The following TTBK2 variants were observed in gnomAD, a reference collection of about 807,000 sequenced individuals.
The protein encoded by TTBK2 is tau tubulin kinase 2.
Under a neutral mutation model 110.8 loss-of-function variants are expected in TTBK2, and 28 were observed. The ratio of observed to expected loss-of-function variants is 0.25; its 90% CI spans 0.19 to 0.35. The LOEUF (loss-of-function observed/expected upper bound fraction) is 0.35, where lower values mean the gene tolerates loss of function less well. TTBK2 is among the 10% of genes least tolerant of loss of function. TTBK2 has a pLI of 1.00. For missense variants in TTBK2, 1,369 were observed against 1,500.3 expected (o/e 0.91, Z 1.45); for synonymous variants, 532 against 527.3 (o/e 1.01, Z -0.12).
chr15:42,757,741 C>T (rs2061967384), intron 13 of TTBK2, among the ~76,000 whole-genome samples: 1 of 152,198 alleles, frequency 6.6e-6, no homozygotes, highest in Non-Finnish European at 1.5e-5. Context: ...GCCAGTAAGC[C>T]ATATGCATCT....
chr15:42,779,030 C>T (rs79642427), intron 11 of TTBK2, among the ~76,000 whole-genome samples: 2,523 of 152,202 alleles, frequency 0.017, 74 homozygotes, highest in African/African-American at 0.056. Flanking sequence ...GAAACAATCA[C>T]TTAAAAAGAA....
At chr15:42,749,709 T>C (rs189263995) in intron 14 of TTBK2, among the ~76,000 whole-genome samples, 10 of 152,338 alleles carry the variant, frequency 6.6e-5, no homozygotes, top group Admixed American at 6.5e-4. Context: ...AAAGGGCCAG[T>C]CCTCTTTTTT....
chr15:42,817,129 G>A (rs768991100), intron 6 of TTBK2, 32 bp from the exon 7 acceptor site: 1 of 1,583,194 alleles, frequency 6.3e-7, no homozygotes, highest in Non-Finnish European at 8.6e-7. Context: ...AATAATAAAT[G>A]AGCTTCAAAC....
At chr15:42,768,228 C>T (rs1194273689) in intron 13 of TTBK2, among the ~76,000 whole-genome samples, 2 of 152,196 alleles carry the variant, frequency 1.3e-5, no homozygotes, top group African/African-American at 4.8e-5. Flanking sequence ...TCTCTCACCA[C>T]TCCTATTCAA....
chr15:42,761,755 C>T (rs1383294502), intron 13 of TTBK2, among the ~76,000 whole-genome samples: 1 of 152,054 alleles, frequency 6.6e-6, no homozygotes, highest in Admixed American at 6.5e-5. Flanking sequence ...ATTGTATCAC[C>T]CCAGTAAAAA....
chr15:42,795,207 T>C (rs1446675443), intron 9 of TTBK2, among the ~76,000 whole-genome samples: 1 of 151,858 alleles, frequency 6.6e-6, no homozygotes, highest in Non-Finnish European at 1.5e-5. Context: ...AGTGTTAACA[T>C]GTAACGTGTC....
intron 1 of TTBK2, among the ~76,000 whole-genome samples, chr15:42,907,925 T>A (rs1289858677): frequency 2.0e-5 from 3 of 147,640 alleles, no homozygotes; most frequent in African/African-American, 2.5e-5. Context: ...AAAAAAATAA[T>A]AATAATAATA....
chr15:42,860,391 A>C (rs1157952081), intron 3 of TTBK2, among the ~76,000 whole-genome samples: 1 of 152,126 alleles, frequency 6.6e-6, no homozygotes, highest in Non-Finnish European at 1.5e-5. Context: ...AAAAGAAAAA[A>C]TTCTGAATGA....
intron 1 of TTBK2, among the ~76,000 whole-genome samples, chr15:42,886,711 G>A (rs930182125): frequency 3.3e-5 from 5 of 152,192 alleles, no homozygotes; most frequent in Admixed American, 3.3e-4. Flanking sequence ...GAAAACCCCA[G>A]CCATATCTCC....
At chr15:42,774,635 C>T (rs900209311) in intron 13 of TTBK2, among the ~76,000 whole-genome samples, 1 of 152,150 alleles carries the variant, frequency 6.6e-6, no homozygotes, top group Non-Finnish European at 1.5e-5. Flanking sequence ...GCATTTTGAA[C>T]AGTGGCCATC....
At chr15:42,902,750 T>C (rs1486566167) in intron 1 of TTBK2, among the ~76,000 whole-genome samples, 1 of 151,954 alleles carries the variant, frequency 6.6e-6, no homozygotes, top group Non-Finnish European at 1.5e-5. Flanking sequence ...CCCAGCACTT[T>C]GCAGGGCCGA....
In TTBK2 at chr15:42,872,762, C is replaced by T; in HGVS notation, c.70-4G>A. The T allele has an allele frequency of 6.2e-7, 1 of 1,613,850 alleles. No homozygotes were observed. The highest frequency in any genetic ancestry group is 1.7e-5 in the Admixed American group (1 of 59,998). On this transcript the variant is annotated splice_polypyrimidine_tract_variant and splice_region_variant and intron_variant, in intron 2 of 14. Coordinates refer to ENST00000267890, the MANE Select transcript of TTBK2 (RefSeq NM_173500.4). Reference sequence around the variant, plus strand: ...CCCCACCCCCAATCTTTCTCAACTGCACAGAAAATAAGAACACACACACTC... The same window carrying T: ...CCCCACCCCCAATCTTTCTCAACTGTACAGAAAATAAGAACACACACACTC...
At chr15:42,792,938 T>C (rs1229966312) in intron 10 of TTBK2, among the ~76,000 whole-genome samples, 4 of 152,200 alleles carry the variant, frequency 2.6e-5, no homozygotes, top group South Asian at 2.1e-4. Context: ...GTCCCTGAAG[T>C]GCTATCACCT....
chr15:42,917,496 T>A (rs1473687119), intron 1 of TTBK2, among the ~76,000 whole-genome samples: 1 of 152,150 alleles, frequency 6.6e-6, no homozygotes, highest in Non-Finnish European at 1.5e-5. Context: ...GTAATATGTG[T>A]TGTCCTTATG....
intron 10 of TTBK2, among the ~76,000 whole-genome samples, chr15:42,786,319 T>C (rs1360972365): frequency 6.6e-6 from 1 of 152,208 alleles, no homozygotes; most frequent in Admixed American, 6.5e-5. Flanking sequence ...ATTAGTTCAA[T>C]ATAATTTATT....
chr15:42,762,111 T>C (rs750504922), intron 13 of TTBK2, among the ~76,000 whole-genome samples: 3 of 152,354 alleles, frequency 2.0e-5, no homozygotes, highest in Admixed American at 6.5e-5. Context: ...TCCCCAGCCA[T>C]GTGGAACTGT....
In TTBK2 at chr15:42,777,012, A is replaced by C; in HGVS notation, c.1409+19T>G. The C allele has an allele frequency of 6.2e-7, 1 of 1,612,092 alleles. No homozygotes were observed. The highest frequency in any genetic ancestry group is 8.5e-7 in the Non-Finnish European group (1 of 1,178,250). On this transcript the variant is annotated intron_variant, in intron 12 of 14. Transcript: ENST00000267890. ...TGGTACCTTAGAAGCTTTAAAAAGA[A>C]AAATACACTATTTTATACCAGGTCT...
chr15:42,815,912 AAATATATATATATTT>A lies in TTBK2; in HGVS notation c.603+1105_603+1119del, dbSNP rs1370710281. Among the ~76,000 whole-genome samples the A allele has an allele frequency of 2.5e-4, 27 of 106,030 alleles. 2 individuals carry two copies. The highest frequency in any genetic ancestry group is 1.2e-3 in the African/African-American group (24 of 20,836). The allele number at this position is 106,030 out of a possible 152,430, so 69.6% of individuals were successfully genotyped here. ...TTTAAAAATATATATATATATTTAAAAATATATATATATTTAAAAATATATATATATATATTTAAA... is the reference window on the plus strand; with the variant it reads ...TTTAAAAATATATATATATATTTAAAAAAAATATATATATATATATTTAAA... On this transcript the variant is annotated intron_variant, in intron 7 of 14. Transcript: ENST00000267890.
chr15:42,870,826 A>G (rs1707852769), intron 3 of TTBK2, among the ~76,000 whole-genome samples: 2 of 149,686 alleles, frequency 1.3e-5, no homozygotes, highest in Admixed American at 1.4e-4. Context: ...ATGCCACTGT[A>G]CTCCAGTGTG....
Sources: gnomAD v4.1 joint callset for allele counts (sites outside exome capture counted in the v4.1 genomes callset) on GRCh38, gnomAD v4.1.1 for gene constraint, MANE v1.5 for transcripts, NCBI Gene and HGNC (gene_info 2026-07-23, HGNC 2026-07-21) for gene names.